PARD3: variants seen among roughly 807,000 people sequenced by gnomAD.
PARD3 encodes partitioning defective 3 homolog.
In PARD3, 75 loss-of-function variants were observed where a neutral mutation model predicts 155.4. That is an observed-to-expected ratio of 0.48 (90% confidence interval 0.40 to 0.58). The LOEUF is 0.58. PARD3 is among the 20% of genes least tolerant of loss of function. The pLI is 0.00. For missense variants in PARD3, 1,642 were observed against 1,721.7 expected (o/e 0.95, Z 0.82); for synonymous variants, 576 against 610.5 (o/e 0.94, Z 0.83).
At chr10:34,220,875 T>C (rs368200638) in intron 22 of PARD3, among the ~76,000 whole-genome samples, 11 of 152,314 alleles carry the variant, frequency 7.2e-5, no homozygotes, top group African/African-American at 2.6e-4. Context: ...CACCTCTTGG[T>C]ACCCACGCAT....
At chr10:34,625,149 G>C (rs2091917597) in intron 2 of PARD3, among the ~76,000 whole-genome samples, 1 of 152,234 alleles carries the variant, frequency 6.6e-6, no homozygotes, top group South Asian at 2.1e-4. Context: ...CAAAAACTGA[G>C]TGTGCCTGTA....
chr10:34,116,690 C>G (rs932300258), intron 24 of PARD3, among the ~76,000 whole-genome samples: 2 of 152,240 alleles, frequency 1.3e-5, no homozygotes, highest in Non-Finnish European at 2.9e-5. Flanking sequence ...TACCAGCCTC[C>G]GCTGCCCAAA....
chr10:34,703,331 G>A (rs1397822066), intron 1 of PARD3, among the ~76,000 whole-genome samples: 1 of 152,030 alleles, frequency 6.6e-6, no homozygotes, highest in African/African-American at 2.4e-5. Context: ...CAAGGCTATG[G>A]TGAGTTACGA....
chr10:34,559,920 C>T (rs945414957), intron 2 of PARD3, among the ~76,000 whole-genome samples: 5 of 152,104 alleles, frequency 3.3e-5, no homozygotes, highest in Non-Finnish European at 7.4e-5. Context: ...AGATCGTTCA[C>T]ATTATATAGG....
At chr10:34,381,912 C>CAAAA (rs202053812) in intron 9 of PARD3, among the ~76,000 whole-genome samples, 238 of 71,690 alleles carry the variant, frequency 3.3e-3, no homozygotes, top group Non-Finnish European at 5.0e-3. Context: ...GGCCCTGTCT[C>CAAAA]AAAAAAAAAA....
chr10:34,225,350 T>TC (rs1487552395), intron 22 of PARD3, among the ~76,000 whole-genome samples: 22 of 124,470 alleles, frequency 1.8e-4, no homozygotes, highest in Admixed American at 1.2e-3. Context: ...TTTTTTTCTC[T>TC]TTTTTTTTTT....
chr10:34,197,325 C>T (rs914779092), intron 22 of PARD3, among the ~76,000 whole-genome samples: 8 of 152,106 alleles, frequency 5.3e-5, no homozygotes, highest in Non-Finnish European at 5.9e-5. Context: ...CTGATTGGAC[C>T]AGGCCTGGAA....
At chr10:34,126,666 T>C (rs375902716) in intron 23 of PARD3, among the ~76,000 whole-genome samples, 2 of 152,126 alleles carry the variant, frequency 1.3e-5, no homozygotes, top group Admixed American at 1.3e-4. Flanking sequence ...ATTAAAACCA[T>C]AGACCAAGCT....
At position 34,814,878 on chromosome 10, in the gene PARD3, T is replaced by G. The variant is rs765683845; in HGVS notation, c.118A>C (p.Lys40Gln). The G allele has an allele frequency of 3.4e-6, 5 of 1,476,088 alleles. No homozygotes were observed. The South Asian group carries it at 4.9e-5, about 15-fold the overall frequency. 91.4% of individuals were successfully genotyped at this position (1,476,088 alleles called of 1,614,324 possible). A position where few individuals can be genotyped will look rare whatever the true frequency, so the allele number is the denominator to read the frequency against. ...CGCCCGCGCCCCCGGCCCCTCACCTTGGCGATGGCCTTCCGGTAGCGGGTC... is the reference window on the plus strand; with the variant it reads ...CGCCCGCGCCCCCGGCCCCTCACCTGGGCGATGGCCTTCCGGTAGCGGGTC... ...AVTRYRKAIA[K>Q]DPNYWIQVHR... is the part of the protein sequence containing the mutation. The change falls in exon 1 of 25, where the codon AAG (lysine) becomes CAG (glutamine). Residue 40 changes from lysine (K) to glutamine (Q), a missense_variant and splice_region_variant. By Grantham distance (53) the Lys-to-Gln change is moderately conservative. Around this residue, in one of 3 missense-constraint regions of PARD3, gnomAD observed 75 missense variants for 65.3 expected, o/e 1.15. Transcript: ENST00000374788.
chr10:34,499,220 G>A (rs946638624), intron 3 of PARD3, among the ~76,000 whole-genome samples: 1 of 151,922 alleles, frequency 6.6e-6, no homozygotes, highest in East Asian at 1.9e-4. Context: ...ATAAAGCTTT[G>A]TTCTTAGATT....
At chr10:34,732,505 G>T (rs2094836952) in intron 1 of PARD3, among the ~76,000 whole-genome samples, 1 of 152,120 alleles carries the variant, frequency 6.6e-6, no homozygotes, top group African/African-American at 2.4e-5. Context: ...ATCAGCCTGG[G>T]CAACACAGCA....
chr10:34,152,424 A>G (rs1276553330), intron 22 of PARD3, among the ~76,000 whole-genome samples: 1 of 152,242 alleles, frequency 6.6e-6, no homozygotes, highest in Non-Finnish European at 1.5e-5. Context: ...TGCACTGAAT[A>G]CTGCAGGCAA....
chr10:34,385,873 C>A (rs1322436580), intron 7 of PARD3, among the ~76,000 whole-genome samples: 4 of 152,150 alleles, frequency 2.6e-5, no homozygotes, highest in African/African-American at 9.7e-5. Context: ...TAAATGACAA[C>A]TGAATGAAGG....
chr10:34,368,713 A>G (rs554364509), intron 12 of PARD3, among the ~76,000 whole-genome samples: 2 of 151,986 alleles, frequency 1.3e-5, no homozygotes, highest in South Asian at 4.2e-4. Flanking sequence ...CCAAGTCAGG[A>G]GAAAGTATTT....
intron 2 of PARD3, among the ~76,000 whole-genome samples, chr10:34,608,970 C>A (rs545330995): frequency 3.5e-4 from 54 of 152,262 alleles, no homozygotes; most frequent in Non-Finnish European, 6.9e-4. Flanking sequence ...ACTGCACCAA[C>A]CAATATGAGG....
At chr10:34,286,545 C>T (rs1047613319) in intron 20 of PARD3, among the ~76,000 whole-genome samples, 2 of 152,220 alleles carry the variant, frequency 1.3e-5, no homozygotes, top group African/African-American at 4.8e-5. Context: ...AGGCAAGTGC[C>T]AAGGCCCTGA....
chr10:34,744,571 T>TG (rs1835070918), intron 1 of PARD3, among the ~76,000 whole-genome samples: 2 of 152,224 alleles, frequency 1.3e-5, no homozygotes, highest in African/African-American at 4.8e-5. Flanking sequence ...TGGAATCTCT[T>TG]GATTTAACTT....
intron 22 of PARD3, among the ~76,000 whole-genome samples, chr10:34,143,262 G>T (rs1353810378): frequency 2.0e-5 from 3 of 152,122 alleles, no homozygotes; most frequent in African/African-American, 7.2e-5. Flanking sequence ...AGTGACCTGA[G>T]ATCGTGCCAC....
chr10:34,256,833 A>G (rs1181254482), intron 22 of PARD3, among the ~76,000 whole-genome samples: 1 of 152,214 alleles, frequency 6.6e-6, no homozygotes, highest in African/African-American at 2.4e-5. Context: ...TGCAATGTGA[A>G]ATGCATATTC....
Sources: gnomAD v4.1 joint callset for allele counts (sites outside exome capture counted in the v4.1 genomes callset) on GRCh38, gnomAD v4.1.1 for gene constraint, gnomAD v4.1.1 regional missense constraint, MANE v1.5 for transcripts, NCBI Gene and HGNC (gene_info 2026-07-23, HGNC 2026-07-21) for gene names.